The following RADIL variants were observed in gnomAD, a reference collection of about 807,000 sequenced individuals.
RADIL encodes Rap associating with DIL domain.
A neutral mutation model predicts 97.6 loss-of-function variants in RADIL; 99 were observed. The ratio of observed to expected loss-of-function variants is 1.01; its 90% CI spans 0.86 to 1.20. The LOEUF (loss-of-function observed/expected upper bound fraction) is 1.20, where lower values mean the gene tolerates loss of function less well. Ranked by LOEUF, RADIL falls within the 50% of genes most tolerant of loss-of-function variation. RADIL has a pLI of 0.00. For synonymous variants in RADIL, 803 were observed against 691.8 expected, an observed-to-expected ratio of 1.16 and a Z score of -2.52; for missense variants, 1,765 against 1,498.9, an observed-to-expected ratio of 1.18 and a Z score of -2.93.
Position 4,815,367 on chromosome 7 carries a change from C to A in RADIL, c.2050G>T (p.Ala684Ser), listed in dbSNP as rs202029388. Reference sequence around the variant, plus strand: ...TGCTCTCCAGCCGCCCCGAAGCCGGCGCTCCGCATCCACTCCAGGAGCTGC... The same window carrying A: ...TGCTCTCCAGCCGCCCCGAAGCCGGAGCTCCGCATCCACTCCAGGAGCTGC... ...LQQLLEWMRS[A>S]GFGAAGEHFF... The change falls in exon 9 of 15, where the codon GCC becomes TCC. Residue 684 changes from alanine to serine, a missense_variant. By Grantham distance (99) the Ala-to-Ser change is moderately conservative (BLOSUM62 1). Transcript: ENST00000399583. The surrounding 1 kb of genome is among the most constrained non-coding windows in gnomAD (Gnocchi z 8.0). 3 of 1,560,234 alleles carry A rather than the reference C, an allele frequency of 1.9e-6. No homozygotes were observed. The highest frequency in any genetic ancestry group is 2.3e-5 in the East Asian group (1 of 42,652).
In RADIL at chr7:4,837,075, T is replaced by C. The variant is rs1456948922; in HGVS notation, c.536-470A>G. On this transcript the variant is annotated intron_variant, in intron 2 of 14. Transcript: ENST00000399583. The surrounding 1 kb of genome is among the most constrained non-coding windows in gnomAD (Gnocchi z 5.6). ...TGGTGGAGACTCAAGGACTCTGCCCTCTAGCCACGCCCCTCGAAAAACCAG... is the reference window on the plus strand; with the variant it reads ...TGGTGGAGACTCAAGGACTCTGCCCCCTAGCCACGCCCCTCGAAAAACCAG... Among the ~76,000 whole-genome samples the C allele has an allele frequency of 6.6e-6, 1 of 152,196 alleles. No homozygotes were observed. The highest frequency in any genetic ancestry group is 1.5e-5 in the Non-Finnish European group (1 of 68,034).
Position 4,822,387 on chromosome 7 carries a change from G to C in RADIL, c.1615+7C>G, listed in dbSNP as rs767032317. 1.2e-6 allele frequency: 2 copies of C among 1,606,648 alleles called. No homozygotes were observed. The highest frequency in any genetic ancestry group is 1.7e-6 in the Non-Finnish European group (2 of 1,177,548). ...GCGGGGGGAATGGAGGGCAGCGCCA[G>C]CCGTACCTGTGATGTCCAGCTGCTC... is the stretch of plus-strand genomic sequence containing the variant. On this transcript the variant is annotated splice_region_variant and intron_variant, in intron 6 of 14. Transcript: ENST00000399583. The surrounding 1 kb of genome is among the most constrained non-coding windows in gnomAD (Gnocchi z 5.3).
At chr7:4,799,888 T>C (rs952541153) in intron 13 of RADIL, 119 bp from the exon 14 acceptor site, 27 of 1,375,932 alleles carry the variant, frequency 2.0e-5, no homozygotes, top group Non-Finnish European at 2.4e-5. Context: ...CCAGGCCCAC[T>C]CATGGTTTCA....
chr7:4,812,658 A>AG (rs1782578155), intron 9 of RADIL, among the ~76,000 whole-genome samples: 1 of 151,750 alleles, frequency 6.6e-6, no homozygotes, highest in Non-Finnish European at 1.5e-5. Context: ...CTGACCTCAA[A>AG]TGATCCACCT....
intron 2 of RADIL, among the ~76,000 whole-genome samples, chr7:4,852,329 A>G (rs1464957657): frequency 6.6e-6 from 1 of 152,178 alleles, no homozygotes; most frequent in Non-Finnish European, 1.5e-5. Context: ...CAGAGCTGAG[A>G]GACTACCCCA....
rs568821339 is a variant in RADIL, at chr7:4,863,355, G to A, written c.535+14250C>T. Among the ~76,000 whole-genome samples the A allele has an allele frequency of 2.4e-4, 37 of 151,976 alleles. 1 individual carries two copies. Among genetic ancestry groups the A allele is most frequent in the South Asian group, 1.2e-3 (6 of 4,810 alleles). On this transcript the variant is annotated intron_variant, in intron 2 of 14. Coordinates refer to ENST00000399583, the MANE Select transcript of RADIL (RefSeq NM_018059.5). Reference sequence around the variant, plus strand: ...CTCTATAACTAATTATTCTAATTCCGAATGCTCTTGAGAAACTGTATAGTT... The same window carrying A: ...CTCTATAACTAATTATTCTAATTCCAAATGCTCTTGAGAAACTGTATAGTT...
At chr7:4,839,356 A>G (rs1783386072) in intron 2 of RADIL, among the ~76,000 whole-genome samples, 1 of 152,156 alleles carries the variant, frequency 6.6e-6, no homozygotes, top group Non-Finnish European at 1.5e-5. Flanking sequence ...TGTGCTTGGT[A>G]TAATTTCCGT....
chr7:4,808,585 A>T (rs183829733), intron 9 of RADIL: 21,076 of 938,598 alleles, frequency 0.022, 315 homozygotes, highest in Middle Eastern at 0.053. Flanking sequence ...CAAAGCCCGA[A>T]GTCCTCACAG....
Position 4,805,666 on chromosome 7 carries a change from C to A in RADIL, c.2190G>T (p.Gln730His). The change falls in exon 10 of 15, where the codon CAG (glutamine) becomes CAT (histidine). Residue 730 changes from glutamine to histidine, a missense_variant. Physicochemically the swap from Gln to His is conservative, Grantham distance 24. Transcript: ENST00000399583. ...GGTAGTGAGTCAGCAGCCGGTGCAG[C>A]TGTGCTGGGCTCAGTGCGGGGAACG... ...RAAFPALSPA[Q>H]LHRLLTHYQL... 1 of 1,611,862 alleles carries A rather than the reference C, an allele frequency of 6.2e-7. No individual in the cohort carries two copies. Among genetic ancestry groups the A allele is most frequent in the Non-Finnish European group, 8.5e-7 (1 of 1,179,890 alleles).
chr7:4,827,924 AC>A (rs991727623), intron 5 of RADIL, among the ~76,000 whole-genome samples: 1 of 152,084 alleles, frequency 6.6e-6, no homozygotes, highest in Non-Finnish European at 1.5e-5. Flanking sequence ...ACAAAAAAAA[AC>A]GTAGACCAGT....
chr7:4,803,781 T>G, intron 10 of RADIL, 27 bp from the exon 11 acceptor site: 1 of 1,535,974 alleles, frequency 6.5e-7, no homozygotes, highest in African/African-American at 1.4e-5. Context: ...ATGCCCGTAA[T>G]GGCCACAGGA....
chr7:4,848,039 T>C (rs1441902338), intron 2 of RADIL, among the ~76,000 whole-genome samples: 1 of 151,736 alleles, frequency 6.6e-6, no homozygotes, highest in Non-Finnish European at 1.5e-5. Flanking sequence ...CTACCAAAAA[T>C]ACAAAAATTA....
chr7:4,878,188 G>A lies in RADIL; in HGVS notation c.-49C>T. The A allele has an allele frequency of 3.4e-6, 5 of 1,471,390 alleles. No individual in the cohort carries two copies. Among genetic ancestry groups the A allele is most frequent in the African/African-American group, 1.4e-5 (1 of 70,882 alleles). 91.1% of individuals were successfully genotyped at this position (1,471,390 alleles called of 1,614,324 possible). A position where few individuals can be genotyped will look rare whatever the true frequency, so the allele number is the denominator to read the frequency against. ...GGACTGTGGGCTTCAGCCAAAGGAT[G>A]TGGGGAGGCCGTGACCTGGGTGAAA... On this transcript the variant is annotated 5_prime_UTR_variant, in exon 2 of 15. Transcript: ENST00000399583. This position sits in a 1 kb window ranked among gnomAD's most constrained non-coding sequence, Gnocchi z 4.1.
At chr7:4,860,207 G>A in intron 2 of RADIL, 4 of 1,614,036 alleles carry the variant, frequency 2.5e-6, no homozygotes, top group Non-Finnish European at 3.4e-6. Flanking sequence ...TGAAGGCACA[G>A]ACATGCTGTT....
intron 9 of RADIL, chr7:4,809,698 T>C: frequency 1.1e-6 from 1 of 921,778 alleles, no homozygotes. Flanking sequence ...ATTGATTTAT[T>C]TAGAGACGGG....
rs954734785 is a variant in RADIL, at chr7:4,818,343, C to T, written c.1616-992G>A. On this transcript the variant is annotated intron_variant, in intron 6 of 14. Coordinates refer to ENST00000399583, the MANE Select transcript of RADIL (RefSeq NM_018059.5). This position sits in a 1 kb window ranked among gnomAD's most constrained non-coding sequence, Gnocchi z 7.1. Reference sequence around the variant, plus strand: ...CACCGGAGGCCGGCCCACTCATGGCCAGGACAATGGTGCGCCAAGCCCTTG... The same window carrying T: ...CACCGGAGGCCGGCCCACTCATGGCTAGGACAATGGTGCGCCAAGCCCTTG... 2.0e-5 allele frequency among the ~76,000 whole-genome samples: 3 copies of T among 152,214 alleles called. No homozygotes were observed. Among genetic ancestry groups the T allele is most frequent in the African/African-American group, 7.2e-5 (3 of 41,448 alleles).
Position 4,832,126 on chromosome 7 carries a change from C to G in RADIL, c.1454+15G>C, listed in dbSNP as rs372285717. The G allele has an allele frequency of 6.2e-6, 10 of 1,603,622 alleles. No homozygotes were observed. In the African/African-American group the frequency reaches 1.1e-4, roughly 17 times the overall value. On this transcript the variant is annotated intron_variant, in intron 5 of 14. Coordinates refer to ENST00000399583, the MANE Select transcript of RADIL (RefSeq NM_018059.5). ...TGCTGCCCAGAGGCGGGCACAATAA[C>G]CGGGTCATACTCACAGTTGCGCCTG...
chr7:4,850,831 G>C (rs1280133661), intron 2 of RADIL, among the ~76,000 whole-genome samples: 1 of 152,158 alleles, frequency 6.6e-6, no homozygotes, highest in Admixed American at 6.5e-5. Context: ...GCTCTCCCGT[G>C]CCCAGACTCC....
Position 4,798,984 on chromosome 7 carries a change from G to C in RADIL, c.*394C>G, listed in dbSNP as rs534138475. Reference sequence around the variant, plus strand: ...GGAGAGTCAGTTCAGATGATCCCCTGATGACAGCTGTCACTGCATTCTCCC... The same window carrying C: ...GGAGAGTCAGTTCAGATGATCCCCTCATGACAGCTGTCACTGCATTCTCCC... On this transcript the variant is annotated 3_prime_UTR_variant, in exon 15 of 15. Transcript: ENST00000399583. The C allele has an allele frequency of 4.4e-6, 1 of 228,714 alleles. No individual in the cohort carries two copies. Among genetic ancestry groups the C allele is most frequent in the East Asian group, 1.2e-4 (1 of 8,308 alleles). 14.2% of individuals were successfully genotyped at this position (228,714 alleles called of 1,614,324 possible). A position where few individuals can be genotyped will look rare whatever the true frequency, so the allele number is the denominator to read the frequency against.
Sources: allele counts gnomAD v4.1 joint callset (sites outside exome capture counted in the v4.1 genomes callset), GRCh38; gene constraint gnomAD v4.1.1; non-coding constraint Gnocchi (gnomAD v3.1); transcripts MANE v1.5; gene names NCBI Gene and HGNC (gene_info 2026-07-23, HGNC 2026-07-21).